CELF2: variants seen among roughly 807,000 people sequenced by gnomAD.
CELF2 encodes CUG triplet repeat RNA-binding protein 2.
A neutral mutation model predicts 62.6 loss-of-function variants in CELF2; 8 were observed. That is an observed-to-expected ratio of 0.13 (90% CI 0.07 to 0.23). The LOEUF (loss-of-function observed/expected upper bound fraction) is 0.23. CELF2 is among the 10% of genes least tolerant of loss of function. The probability of loss-of-function intolerance (pLI) is 1.00; values close to 1 mark genes in which losing one functional copy is unlikely to be tolerated. For synonymous variants in CELF2, 258 were observed against 250.0 expected (o/e 1.03, Z -0.30); for missense variants, 333 against 671.0 (o/e 0.50, Z 5.56).
At chr10:11,299,708 G>A (rs1039253739) in intron 9 of CELF2, among the ~76,000 whole-genome samples, 32 of 152,144 alleles carry the variant, frequency 2.1e-4, no homozygotes, top group African/African-American at 5.3e-4. Context: ...CAGCGCCACC[G>A]CACCACGAGA....
intron 1 of CELF2, among the ~76,000 whole-genome samples, chr10:11,133,236 A>T (rs2059887735): frequency 6.6e-6 from 1 of 152,226 alleles, no homozygotes; most frequent in South Asian, 2.1e-4. Context: ...GAGGACAACC[A>T]GGTAGAGTAA....
chr10:10,778,502 A>G, the CELF2 span, among the ~76,000 whole-genome samples: 2 of 152,236 alleles, frequency 1.3e-5, no homozygotes, highest in Non-Finnish European at 2.9e-5. Flanking sequence ...CAAAAAATAA[A>G]TAAAGTCAAA....
At chr10:11,121,105 A>G (rs574972363) in intron 1 of CELF2, among the ~76,000 whole-genome samples, 126 of 152,292 alleles carry the variant, frequency 8.3e-4, no homozygotes, top group African/African-American at 2.7e-3. Flanking sequence ...CGAGAAGTTT[A>G]TAAGTCTACA....
the CELF2 span, among the ~76,000 whole-genome samples, chr10:10,716,474 G>A: frequency 6.6e-6 from 1 of 152,158 alleles, no homozygotes; most frequent in South Asian, 2.1e-4. Context: ...CCAAGAAGTC[G>A]AGGCCTCAGT....
intron 3 of CELF2, among the ~76,000 whole-genome samples, chr10:11,222,825 C>T (rs1231893319): frequency 6.6e-6 from 1 of 152,064 alleles, no homozygotes; most frequent in Admixed American, 6.6e-5. Context: ...TCAAATGTTC[C>T]AAAATATAAA....
the CELF2 span, among the ~76,000 whole-genome samples, chr10:10,523,192 C>T: frequency 6.1e-3 from 935 of 152,314 alleles, 5 homozygotes; most frequent in Non-Finnish European, 8.9e-3. Flanking sequence ...TTGAATTTCT[C>T]TCCATTTCTC....
the CELF2 span, among the ~76,000 whole-genome samples, chr10:10,535,383 CCCA>C: frequency 6.6e-6 from 1 of 152,150 alleles, no homozygotes; most frequent in Non-Finnish European, 1.5e-5. Context: ...AGAACTGAAA[CCCA>C]CCACTTGGGT....
rs1191138920 is a variant in CELF2, at chr10:11,315,609, A to G, written c.1096+1351A>G. 6.6e-6 allele frequency among the ~76,000 whole-genome samples: 1 copy of G among 152,206 alleles called. No homozygotes were observed. Among genetic ancestry groups the G allele is most frequent in the Admixed American group, 6.5e-5 (1 of 15,274 alleles). On this transcript the variant is annotated intron_variant, in intron 10 of 12. Transcript: ENST00000633077. This position sits in a 1 kb window ranked among gnomAD's most constrained non-coding sequence, Gnocchi z 5.8. ...GTATTTAGTACATCTTTTGGGGAAA[A>G]GCGAAAACGTGGACCGAGCTTTAGC...
chr10:10,756,570 C>G, the CELF2 span, among the ~76,000 whole-genome samples: 2 of 152,190 alleles, frequency 1.3e-5, no homozygotes, highest in Non-Finnish European at 1.5e-5. Flanking sequence ...TCAGGGATCC[C>G]TTAGATTCCC....
rs200317558 is a variant in CELF2 at position 11,209,799 on chromosome 10, G to A, written c.272-7626G>A. Among the ~76,000 whole-genome samples the A allele has an allele frequency of 7.5e-4, 72 of 96,132 alleles. No individual in the cohort carries two copies. In the South Asian group the frequency reaches 0.022, roughly 30 times the overall value. The allele number at this position is 96,132 out of a possible 152,430, so 63.1% of individuals were successfully genotyped here. On this transcript the variant is annotated intron_variant, in intron 2 of 12. Transcript: ENST00000633077. ...CCTTTGGACTCTGGAAAAAAAAAAG[G>A]TATTAAATTCTTCTCCAAGTGGCTA...
At chr10:10,641,932 A>T in the CELF2 span, among the ~76,000 whole-genome samples, 2 of 152,154 alleles carry the variant, frequency 1.3e-5, no homozygotes, top group Non-Finnish European at 2.9e-5. Context: ...TTGCTATTAT[A>T]TCACTCTTAT....
At chr10:11,272,827 G>A (rs1342757219) in intron 7 of CELF2, among the ~76,000 whole-genome samples, 1 of 152,132 alleles carries the variant, frequency 6.6e-6, no homozygotes, top group Non-Finnish European at 1.5e-5. Flanking sequence ...CCTGGGTGGT[G>A]GTTTAATGAC....
the CELF2 span, among the ~76,000 whole-genome samples, chr10:10,759,030 G>C: frequency 6.6e-6 from 1 of 152,158 alleles, no homozygotes; most frequent in Non-Finnish European, 1.5e-5. Context: ...CTGACATTCA[G>C]CTTCATTGGC....
chr10:10,684,638 G>T, the CELF2 span, among the ~76,000 whole-genome samples: 100 of 152,256 alleles, frequency 6.6e-4, no homozygotes, highest in East Asian at 0.016. Context: ...CAGCTACTCA[G>T]GAGGCTGAGG....
intron 3 of CELF2, among the ~76,000 whole-genome samples, chr10:11,235,325 A>G (rs555882473): frequency 6.6e-6 from 1 of 152,286 alleles, no homozygotes; most frequent in East Asian, 1.9e-4. Context: ...AATCTCTCCC[A>G]CATGCTTGTC....
At chr10:10,754,444 G>A in the CELF2 span, among the ~76,000 whole-genome samples, 2 of 152,116 alleles carry the variant, frequency 1.3e-5, no homozygotes, top group East Asian at 3.9e-4. Flanking sequence ...AAGCCAACAC[G>A]CTAACCAAAC....
chr10:10,463,409 AT>A, the CELF2 span, among the ~76,000 whole-genome samples: 3 of 152,162 alleles, frequency 2.0e-5, no homozygotes, highest in African/African-American at 7.2e-5. Flanking sequence ...CACTTAAGAC[AT>A]TTCAGAATGT....
chr10:10,814,940 T>A (rs1490005683), intron 1 of CELF2, among the ~76,000 whole-genome samples: 4 of 152,184 alleles, frequency 2.6e-5, no homozygotes, highest in African/African-American at 9.7e-5. Flanking sequence ...AGTTCCTTCC[T>A]GGTTAGGATA....
At chr10:10,586,887 A>T in the CELF2 span, among the ~76,000 whole-genome samples, 57,743 of 151,948 alleles carry the variant, frequency 0.38, 12,336 homozygotes, top group East Asian at 0.6. Context: ...CGGCAGCTAG[A>T]ACACATAGTG....
Sources: allele counts gnomAD v4.1 joint callset (sites outside exome capture counted in the v4.1 genomes callset), GRCh38; gene constraint gnomAD v4.1.1; non-coding constraint Gnocchi (gnomAD v3.1); transcripts MANE v1.5; gene names NCBI Gene and HGNC (gene_info 2026-07-23, HGNC 2026-07-21).